Variants in MED15 observed in about 807,000 individuals in gnomAD.
MED15 encodes mediator of RNA polymerase II transcription subunit 15.
MED15 carries 41 observed loss-of-function variants against 118.7 expected under a neutral mutation model. The observed-to-expected ratio is 0.35, with a 90% CI of 0.27 to 0.45. The LOEUF is 0.45. Ranked by LOEUF, MED15 falls within the 20% of genes least tolerant of loss-of-function variation. The pLI is 1.00. For missense variants in MED15, 740 were observed against 1,025.5 expected, an observed-to-expected ratio of 0.72 and a Z score of 3.80; for synonymous variants, 436 against 413.9, an observed-to-expected ratio of 1.05 and a Z score of -0.65.
At chr22:20,542,539 A>G (rs978629111) in intron 2 of MED15, among the ~76,000 whole-genome samples, 1 of 152,208 alleles carries the variant, frequency 6.6e-6, no homozygotes, top group African/African-American at 2.4e-5. Context: ...TTAGTTTCCC[A>G]TGGCTGCCAT....
At chr22:20,583,270 G>A (rs760728711) in intron 12 of MED15, 23 bp downstream of exon 12, 15 of 1,613,238 alleles carry the variant, frequency 9.3e-6, no homozygotes, top group Non-Finnish European at 1.2e-5. Flanking sequence ...CAGGGCAGGG[G>A]CCTGCACCCT....
At chr22:20,568,298 G>A (rs1213005759) in intron 7 of MED15, among the ~76,000 whole-genome samples, 3 of 152,146 alleles carry the variant, frequency 2.0e-5, no homozygotes, top group African/African-American at 7.2e-5. Context: ...TGAGGGATGT[G>A]TGGAGACATC....
At chr22:20,551,034 C>A in intron 2 of MED15, 1 of 448,372 alleles carries the variant, frequency 2.2e-6, no homozygotes, top group South Asian at 1.7e-5. Context: ...ACAGATAGTG[C>A]AAAGACACAG....
intron 1 of MED15, chr22:20,508,316 G>T: frequency 7.7e-7 from 1 of 1,303,916 alleles, no homozygotes; most frequent in Non-Finnish European, 1.0e-6. Context: ...GTTTCTGGAG[G>T]AGAGCGTGAA....
intron 17 of MED15, among the ~76,000 whole-genome samples, chr22:20,586,330 A>G (rs1360104767): frequency 1.3e-5 from 2 of 152,316 alleles, no homozygotes; most frequent in East Asian, 3.9e-4. Flanking sequence ...CACACAGTAG[A>G]GCCAGGCTGG....
At chr22:20,527,064 C>T (rs1334024502) in intron 1 of MED15, among the ~76,000 whole-genome samples, 1 of 152,146 alleles carries the variant, frequency 6.6e-6, no homozygotes, top group Non-Finnish European at 1.5e-5. Flanking sequence ...CTGGCTTGTG[C>T]TTCTGTCTCC....
chr22:20,581,433 G>T (rs1483764603), intron 9 of MED15, among the ~76,000 whole-genome samples: 1 of 151,860 alleles, frequency 6.6e-6, no homozygotes, highest in East Asian at 1.9e-4. Context: ...GTGAGCCGTG[G>T]CCCGAGACAG....
At chr22:20,585,688 G>A (rs903213650) in intron 16 of MED15, 40 bp from the exon 17 acceptor site, 2 of 1,591,278 alleles carry the variant, frequency 1.3e-6, no homozygotes, top group East Asian at 2.2e-5. Flanking sequence ...GGGCAGGCCG[G>A]GGCTTGTCCA....
chr22:20,534,921 C>T (rs1429299619), intron 1 of MED15, among the ~76,000 whole-genome samples: 1 of 152,154 alleles, frequency 6.6e-6, no homozygotes, highest in Non-Finnish European at 1.5e-5. Context: ...CCCTTGCTGC[C>T]TCCTCGCCTC....
intron 5 of MED15, 30 bp downstream of exon 5, chr22:20,555,178 C>A: frequency 6.5e-7 from 1 of 1,538,110 alleles, no homozygotes. Context: ...GAGGATTTGC[C>A]GCTTTCCTTG....
At chr22:20,553,049 C>A in intron 3 of MED15, 96 bp from the exon 4 acceptor site, 1 of 1,212,752 alleles carries the variant, frequency 8.2e-7, no homozygotes, top group Non-Finnish European at 1.2e-6. Flanking sequence ...GGGATTAAGG[C>A]TTGGGCAAAT....
intron 8 of MED15, among the ~76,000 whole-genome samples, chr22:20,572,168 T>C (rs1289040164): frequency 6.6e-6 from 1 of 152,232 alleles, no homozygotes; most frequent in Non-Finnish European, 1.5e-5. Flanking sequence ...GAGTGAATGG[T>C]TCACTTTGAG....
intron 15 of MED15, 42 bp downstream of exon 15, chr22:20,585,057 C>G (rs2057093206): frequency 6.2e-7 from 1 of 1,613,532 alleles, no homozygotes; most frequent in Non-Finnish European, 8.5e-7. Context: ...GCGGCCAGCC[C>G]TGGGCCGCGT....
chr22:20,520,152 TC>T (rs2146365138), intron 1 of MED15, among the ~76,000 whole-genome samples: 1 of 152,326 alleles, frequency 6.6e-6, no homozygotes, highest in African/African-American at 2.4e-5. Context: ...CTTCTGTTCT[TC>T]CCAGCCTACG....
intron 5 of MED15, among the ~76,000 whole-genome samples, chr22:20,555,914 G>T (rs1413027056): frequency 6.6e-6 from 1 of 152,152 alleles, no homozygotes; most frequent in Non-Finnish European, 1.5e-5. Context: ...GTAGAGATGG[G>T]ACTTCACCAT....
intron 8 of MED15, among the ~76,000 whole-genome samples, chr22:20,573,106 T>A (rs2056719392): frequency 6.6e-6 from 1 of 152,094 alleles, no homozygotes; most frequent in Non-Finnish European, 1.5e-5. Context: ...GTACCTGGGA[T>A]TACAGGCATG....
intron 1 of MED15, among the ~76,000 whole-genome samples, chr22:20,529,811 C>T (rs2054790556): frequency 1.3e-5 from 2 of 152,148 alleles, no homozygotes; most frequent in East Asian, 1.9e-4. Context: ...AGTCTGGTCT[C>T]GAACTCCGGA....
chr22:20,538,359 C>T (rs1242317201), intron 2 of MED15, among the ~76,000 whole-genome samples: 6 of 152,044 alleles, frequency 3.9e-5, no homozygotes, highest in African/African-American at 1.2e-4. Context: ...AGGCGATCCT[C>T]CTTTCTCAGT....
chr22:20,510,312 G>C (rs182612967), intron 1 of MED15, among the ~76,000 whole-genome samples: 51 of 152,270 alleles, frequency 3.3e-4, no homozygotes, highest in Admixed American at 7.8e-4. Flanking sequence ...CTTGAACCCG[G>C]GAGGCGGAGG....
Sources: allele counts gnomAD v4.1 joint callset (sites outside exome capture counted in the v4.1 genomes callset), GRCh38; gene constraint gnomAD v4.1.1; transcripts MANE v1.5; gene names NCBI Gene and HGNC (gene_info 2026-07-23, HGNC 2026-07-21).